The following PEAK1 variants were observed in gnomAD, a reference collection of about 807,000 sequenced individuals.
The protein encoded by PEAK1 is pseudopodium enriched atypical kinase 1, also known as inactive tyrosine-protein kinase PEAK1.
Under a neutral mutation model 124.7 loss-of-function variants are expected in PEAK1, and 54 were observed. That is an observed-to-expected ratio of 0.43 (90% CI 0.35 to 0.54). PEAK1 has a LOEUF of 0.54. Among genes scored for constraint, PEAK1 ranks in the 20% least tolerant of loss-of-function variants. The pLI, the probability that PEAK1 is intolerant of heterozygous loss-of-function variation, is 0.01. For synonymous variants in PEAK1, 719 were observed against 760.0 expected (o/e 0.95, Z 0.89); for missense variants, 2,046 against 2,134.5 (o/e 0.96, Z 0.82).
chr15:77,208,599 A>T (rs1465738709), intron 6 of PEAK1, among the ~76,000 whole-genome samples: 3 of 152,202 alleles, frequency 2.0e-5, no homozygotes, highest in Non-Finnish European at 4.4e-5. Context: ...TAACTAGAAG[A>T]ACTATGAATT....
chr15:77,317,862 G>GAT (rs2064970261), intron 2 of PEAK1, among the ~76,000 whole-genome samples: 2 of 152,172 alleles, frequency 1.3e-5, no homozygotes, highest in Admixed American at 6.5e-5. Flanking sequence ...CATAACTATT[G>GAT]ATATACGTAA....
At chr15:77,346,277 G>A (rs2066870647) in intron 2 of PEAK1, 1 of 937,790 alleles carries the variant, frequency 1.1e-6, no homozygotes, top group African/African-American at 1.8e-5. Flanking sequence ...TCTTGACTCA[G>A]AATTCAAATT....
At chr15:77,308,300 T>C (rs2064222791) in intron 2 of PEAK1, among the ~76,000 whole-genome samples, 2 of 152,122 alleles carry the variant, frequency 1.3e-5, no homozygotes. Flanking sequence ...ACAGAGTTGC[T>C]ATAAAGATTT....
At chr15:77,142,357 A>G (rs560356074) in intron 8 of PEAK1, among the ~76,000 whole-genome samples, 34 of 152,370 alleles carry the variant, frequency 2.2e-4, no homozygotes, top group African/African-American at 8.2e-4. Flanking sequence ...ATACATTGCT[A>G]GTAGGAATCT....
intron 2 of PEAK1, chr15:77,348,698 C>T (rs1475362361): frequency 1.0e-6 from 1 of 985,086 alleles, no homozygotes; most frequent in Admixed American, 6.2e-5. Context: ...GTTAATCTGA[C>T]TCACGGGAAA....
At chr15:77,262,097 C>T (rs917573468) in intron 5 of PEAK1, among the ~76,000 whole-genome samples, 20 of 152,182 alleles carry the variant, frequency 1.3e-4, no homozygotes, top group African/African-American at 3.6e-4. Flanking sequence ...CCTAAAAGAA[C>T]TCCTGAAGGA....
At chr15:77,160,695 A>G (rs1182811116) in intron 7 of PEAK1, among the ~76,000 whole-genome samples, 1 of 152,024 alleles carries the variant, frequency 6.6e-6, no homozygotes, top group African/African-American at 2.4e-5. Flanking sequence ...CAGCCCCCAC[A>G]CTTGAAAGAA....
Position 77,114,118 on chromosome 15 carries a change from A to T in PEAK1, c.*38T>A, listed in dbSNP as rs748285481. 1 of 1,588,884 alleles carries T rather than the reference A, an allele frequency of 6.3e-7. No homozygotes were observed. The highest frequency in any genetic ancestry group is 8.6e-7 in the Non-Finnish European group (1 of 1,161,626). The stretch of plus-strand genomic sequence containing the variant: ...GGGGAAGTGCATGGGTGACATGAAG[A>T]AGGTGAAGATGTAGTAAAAGCATCA... On this transcript the variant is annotated 3_prime_UTR_variant, in exon 10 of 10. Transcript: ENST00000682557.
intron 1 of PEAK1, among the ~76,000 whole-genome samples, chr15:77,388,631 A>G (rs2070167193): frequency 6.6e-6 from 1 of 152,214 alleles, no homozygotes; most frequent in Non-Finnish European, 1.5e-5. Flanking sequence ...ATATCTACAT[A>G]TAGCTATCAC....
chr15:77,154,110 G>T (rs960071935), intron 8 of PEAK1, among the ~76,000 whole-genome samples: 83 of 152,090 alleles, frequency 5.5e-4, no homozygotes, highest in African/African-American at 2.0e-3. Flanking sequence ...TTATTATTGT[G>T]TGGGAGTCTA....
In PEAK1 at chr15:77,313,652, A is replaced by ATGTGTGTGTG. The variant is rs775220459; in HGVS notation, c.-602-27158_-602-27149dup. 1.9e-3 allele frequency among the ~76,000 whole-genome samples: 176 copies of ATGTGTGTGTG among 90,558 alleles called. 2 individuals carry two copies. The highest frequency in any genetic ancestry group is 0.011 in the South Asian group (30 of 2,674). 59.4% of individuals were successfully genotyped at this position (90,558 alleles called of 152,430 possible). A position where few individuals can be genotyped will look rare whatever the true frequency, so the allele number is the denominator to read the frequency against. On this transcript the variant is annotated intron_variant, in intron 2 of 9. Coordinates refer to ENST00000682557, the MANE Select transcript of PEAK1 (RefSeq NM_001385026.1). ...CAGTAATGTATGTATGTATGTATGT[A>ATGTGTGTGTG]TGTGTGTGTGTGTGTGTGTGTGTGT...
chr15:77,350,610 T>TAAA (rs35739571), intron 2 of PEAK1: 45 of 903,822 alleles, frequency 5.0e-5, no homozygotes, highest in South Asian at 2.6e-4. Context: ...GAGATTCAAG[T>TAAA]AAAAAAAAAA....
At chr15:77,414,238 C>G (rs986394563) in intron 1 of PEAK1, among the ~76,000 whole-genome samples, 6 of 115,930 alleles carry the variant, frequency 5.2e-5, no homozygotes, top group African/African-American at 2.1e-4. Flanking sequence ...GAGACAGGGT[C>G]TTGCTCTGTC....
At chr15:77,319,571 A>C (rs1370082998) in intron 2 of PEAK1, among the ~76,000 whole-genome samples, 1 of 152,210 alleles carries the variant, frequency 6.6e-6, no homozygotes, top group African/African-American at 2.4e-5. Context: ...ACTTTGGCTA[A>C]TAGACAGACC....
chr15:77,415,103 T>C (rs1192549659), intron 1 of PEAK1, among the ~76,000 whole-genome samples: 1 of 152,244 alleles, frequency 6.6e-6, no homozygotes, highest in Non-Finnish European at 1.5e-5. Flanking sequence ...TTAAATAGTT[T>C]CTTCAGATAG....
At chr15:77,303,647 G>C (rs946500401) in intron 2 of PEAK1, among the ~76,000 whole-genome samples, 2 of 152,150 alleles carry the variant, frequency 1.3e-5, no homozygotes, top group African/African-American at 2.4e-5. Context: ...TTGGATTCAA[G>C]TGTTATATAA....
intron 7 of PEAK1, 111 bp downstream of exon 7, chr15:77,178,679 G>T: frequency 2.0e-6 from 2 of 1,023,152 alleles, no homozygotes; most frequent in Non-Finnish European, 2.8e-6. Context: ...TGGCCACAGA[G>T]TGCTACTTAC....
rs142097235 is a variant in PEAK1 at position 77,273,942 on chromosome 15, T to C, written c.-275+9941A>G. On this transcript the variant is annotated intron_variant, in intron 5 of 9. Coordinates refer to ENST00000682557, the MANE Select transcript of PEAK1 (RefSeq NM_001385026.1). Reference sequence around the variant, plus strand: ...GAATAGAAACAGGCATAGAGACCAATGGAACAGAATAGAGAACCCAGAAAT... The same window carrying C: ...GAATAGAAACAGGCATAGAGACCAACGGAACAGAATAGAGAACCCAGAAAT... 3.3e-4 allele frequency among the ~76,000 whole-genome samples: 50 copies of C among 152,148 alleles called. 1 individual carries two copies. In the East Asian group the frequency reaches 8.5e-3, roughly 26 times the overall value.
At chr15:77,358,221 C>T (rs948001161) in intron 2 of PEAK1, among the ~76,000 whole-genome samples, 5 of 152,138 alleles carry the variant, frequency 3.3e-5, no homozygotes, top group African/African-American at 9.7e-5. Flanking sequence ...TCCCCTACCT[C>T]TGTATATATG....
Sources: gnomAD v4.1 joint callset for allele counts (sites outside exome capture counted in the v4.1 genomes callset) on GRCh38, gnomAD v4.1.1 for gene constraint, MANE v1.5 for transcripts, NCBI Gene and HGNC (gene_info 2026-07-23, HGNC 2026-07-21) for gene names.